MCMBP: variants seen among roughly 807,000 people sequenced by gnomAD.
MCMBP encodes mini-chromosome maintenance complex-binding protein.
MCMBP carries 31 observed loss-of-function variants against 81.3 expected under a neutral mutation model. That is an observed-to-expected ratio of 0.38 (90% CI 0.29 to 0.51). The LOEUF is 0.51. Among genes scored for constraint, MCMBP ranks in the 20% least tolerant of loss-of-function variants. The pLI is 0.87. For missense variants in MCMBP, 645 were observed against 772.1 expected (o/e 0.84, Z 1.95); for synonymous variants, 267 against 275.9 (o/e 0.97, Z 0.32).
At position 119,858,643 on chromosome 10, in the gene MCMBP, T is replaced by C. The variant is rs185692365; in HGVS notation, c.327+241A>G. Among the ~76,000 whole-genome samples, 10 of 152,228 alleles carry C rather than the reference T, an allele frequency of 6.6e-5. No homozygotes were observed. The East Asian group carries it at 1.7e-3, about 26-fold the overall frequency. On this transcript the variant is annotated intron_variant, in intron 4 of 15. Transcript: ENST00000369077. The stretch of plus-strand genomic sequence containing the variant: ...AGGGTTCTTTGTTTTACATATATTA[T>C]ATACAGATATTGGAGAGAGGAATTA...
intron 1 of MCMBP, among the ~76,000 whole-genome samples, chr10:119,862,331 C>T (rs749658276): frequency 6.6e-6 from 1 of 151,880 alleles, no homozygotes; most frequent in South Asian, 2.1e-4. Flanking sequence ...TCCTCCACCA[C>T]GCAAAAAGAA....
chr10:119,849,443 G>A lies in MCMBP; in HGVS notation c.708C>T (p.Gly236=). ...TTATTACCTTCACAAGGCATGCAGG[G>A]CCCTTCTCTCCTGGCAATGGAAAAT... is the stretch of plus-strand genomic sequence containing the variant. ...DLNFPLPGEK[G]PACLVKVYED... is the part of the protein sequence containing the mutation. The change falls in exon 7 of 16, where the codon GGC becomes GGT. Residue 236 remains glycine (G), a synonymous_variant. Coordinates refer to ENST00000369077, the MANE Select transcript of MCMBP (RefSeq NM_001256378.2). 1 of 1,610,070 alleles carries A rather than the reference G, an allele frequency of 6.2e-7. No homozygotes were observed.
At chr10:119,839,619 T>G (rs1365546624) in intron 11 of MCMBP, among the ~76,000 whole-genome samples, 2 of 152,176 alleles carry the variant, frequency 1.3e-5, no homozygotes, top group Non-Finnish European at 2.9e-5. Context: ...GGGAATTGCT[T>G]AAACCCTTTT....
chr10:119,870,099 T>C (rs1279978570), intron 1 of MCMBP, among the ~76,000 whole-genome samples: 1 of 152,212 alleles, frequency 6.6e-6, no homozygotes, highest in Non-Finnish European at 1.5e-5. Context: ...ACTTAAAATA[T>C]ATGACAGGGT....
intron 13 of MCMBP, among the ~76,000 whole-genome samples, chr10:119,836,175 C>A (rs1165516926): frequency 6.6e-6 from 1 of 152,192 alleles, no homozygotes; most frequent in Non-Finnish European, 1.5e-5. Context: ...TTATAACTAC[C>A]TCAGAAATAA....
At chr10:119,833,386 T>C in intron 14 of MCMBP, among the ~76,000 whole-genome samples, 1 of 150,318 alleles carries the variant, frequency 6.7e-6, no homozygotes. Context: ...CTTACACCTG[T>C]AATCCCAACA....
chr10:119,872,683 C>T lies in MCMBP; in HGVS notation c.-99G>A, dbSNP rs1461871333. The T allele has an allele frequency of 2.2e-5, 12 of 542,940 alleles. No homozygotes were observed. The highest frequency in any genetic ancestry group is 3.0e-5 in the Non-Finnish European group (12 of 399,840). The allele number at this position is 542,940 out of a possible 1,614,324, so 33.6% of individuals were successfully genotyped here. ...CCCAGCTCCTCTTCAGCGGCTCGGC[C>T]GCTCCTCGCCCGCGTTCGCTCGCGC... On this transcript the variant is annotated 5_prime_UTR_variant, in exon 1 of 16. Coordinates refer to ENST00000369077, the MANE Select transcript of MCMBP (RefSeq NM_001256378.2).
intron 6 of MCMBP, among the ~76,000 whole-genome samples, chr10:119,852,176 A>G (rs904422630): frequency 1.4e-5 from 2 of 142,498 alleles, no homozygotes; most frequent in African/African-American, 5.0e-5. Context: ...AAAAAAAAAA[A>G]AAAAGCCTTC....
intron 10 of MCMBP, 100 bp downstream of exon 10, chr10:119,842,372 C>T: frequency 7.5e-7 from 1 of 1,335,470 alleles, no homozygotes; most frequent in Non-Finnish European, 1.0e-6. Flanking sequence ...TGTGATGAAG[C>T]CCAATAAGGA....
chr10:119,835,097 A>T (rs1338055339), intron 14 of MCMBP, among the ~76,000 whole-genome samples: 1 of 152,230 alleles, frequency 6.6e-6, no homozygotes, highest in Non-Finnish European at 1.5e-5. Flanking sequence ...CAGTAATTCT[A>T]AATGTGTTGA....
chr10:119,867,995 A>G (rs552432634), intron 1 of MCMBP, among the ~76,000 whole-genome samples: 44 of 152,346 alleles, frequency 2.9e-4, no homozygotes, highest in African/African-American at 1.0e-3. Flanking sequence ...TGCTAGTGAT[A>G]AAATAGTCTG....
At chr10:119,857,034 A>G (rs1853072777) in intron 5 of MCMBP, among the ~76,000 whole-genome samples, 1 of 150,952 alleles carries the variant, frequency 6.6e-6, no homozygotes. Context: ...CAGGAGGTTG[A>G]AGCAGCAATG....
At chr10:119,869,763 C>G (rs1284314757) in intron 1 of MCMBP, among the ~76,000 whole-genome samples, 2 of 152,018 alleles carry the variant, frequency 1.3e-5, no homozygotes, top group Non-Finnish European at 2.9e-5. Flanking sequence ...AAAAACAAAA[C>G]CCCTAGAACG....
rs1373182110 is a variant in MCMBP at position 119,842,794 on chromosome 10, T to G, written c.1001-199A>C. On this transcript the variant is annotated intron_variant, in intron 9 of 15. Coordinates refer to ENST00000369077, the MANE Select transcript of MCMBP (RefSeq NM_001256378.2). ...TTTTTTTTTTTTTGAGACCAAGTTTTGCTCTTTTTGCCTAGCCTGGAGTGC... is the reference window on the plus strand; with the variant it reads ...TTTTTTTTTTTTTGAGACCAAGTTTGGCTCTTTTTGCCTAGCCTGGAGTGC... The G allele has an allele frequency of 9.9e-6, 5 of 504,624 alleles. No individual in the cohort carries two copies. The East Asian group carries it at 2.1e-4, about 21-fold the overall frequency. The allele number at this position is 504,624 out of a possible 1,614,324, so 31.3% of individuals were successfully genotyped here.
intron 8 of MCMBP, 137 bp from the exon 9 acceptor site, chr10:119,843,563 G>A: frequency 1.3e-6 from 1 of 773,388 alleles, no homozygotes; most frequent in Non-Finnish European, 2.0e-6. Flanking sequence ...AGAACAGAAA[G>A]TGGCCTCTCA....
rs1491551481 is a variant in MCMBP, at chr10:119,850,872, CTG to C, written c.575-1298_575-1297del. On this transcript the variant is annotated intron_variant, in intron 6 of 15. Coordinates refer to ENST00000369077, the MANE Select transcript of MCMBP (RefSeq NM_001256378.2). ...GTAGAGGCTAAAAGGTATACAAGAT[CTG>C]TTTTTTTTTTTTTTTTTTGAGACAG... 2.4e-3 allele frequency among the ~76,000 whole-genome samples: 321 copies of C among 134,196 alleles called. 6 individuals carry two copies. The highest frequency in any genetic ancestry group is 4.4e-3 in the Non-Finnish European group (271 of 61,272). The allele number at this position is 134,196 out of a possible 152,430, so 88.0% of individuals were successfully genotyped here.
intron 14 of MCMBP, among the ~76,000 whole-genome samples, chr10:119,835,313 A>T (rs1008771124): frequency 1.2e-4 from 19 of 152,336 alleles, no homozygotes; most frequent in African/African-American, 3.6e-4. Context: ...TTATCCCCCA[A>T]AGACAACTAC....
intron 12 of MCMBP, among the ~76,000 whole-genome samples, chr10:119,838,168 A>G (rs538990123): frequency 4.0e-5 from 6 of 151,088 alleles, no homozygotes; most frequent in African/African-American, 1.5e-4. Flanking sequence ...ACTACCCTTT[A>G]TATTACTGCT....
intron 7 of MCMBP, 31 bp downstream of exon 7, chr10:119,849,394 T>G (rs1196418646): frequency 6.3e-7 from 1 of 1,590,418 alleles, no homozygotes; most frequent in Admixed American, 1.9e-5. Flanking sequence ...ACATAACATT[T>G]CAGTGTTGGA....
Sources: allele counts gnomAD v4.1 joint callset (sites outside exome capture counted in the v4.1 genomes callset), GRCh38; gene constraint gnomAD v4.1.1; transcripts MANE v1.5; gene names NCBI Gene and HGNC (gene_info 2026-07-23, HGNC 2026-07-21).